The following CADPS2 variants were observed in gnomAD, a reference collection of about 807,000 sequenced individuals.
CADPS2 encodes calcium-dependent secretion activator 2.
In CADPS2, 93 loss-of-function variants were observed where a neutral mutation model predicts 172.5. That is an observed-to-expected ratio of 0.54 (90% CI 0.46 to 0.64). The LOEUF (loss-of-function observed/expected upper bound fraction) is 0.64, where lower values mean the gene tolerates loss of function less well. Ranked by LOEUF, CADPS2 falls within the 30% of genes least tolerant of loss-of-function variation. CADPS2 has a pLI of 0.00. For missense variants in CADPS2, 1,420 were observed against 1,565.9 expected, an observed-to-expected ratio of 0.91 and a Z score of 1.57; for synonymous variants, 546 against 555.2, an observed-to-expected ratio of 0.98 and a Z score of 0.23.
intron 1 of CADPS2, among the ~76,000 whole-genome samples, chr7:122,819,439 G>C (rs143005851): frequency 6.6e-6 from 1 of 152,054 alleles, no homozygotes; most frequent in African/African-American, 2.4e-5. Context: ...CATCACGGAC[G>C]CCAAGCTTCG....
At chr7:122,454,149 T>C (rs2053474585) in intron 14 of CADPS2, among the ~76,000 whole-genome samples, 1 of 152,206 alleles carries the variant, frequency 6.6e-6, no homozygotes, top group Admixed American at 6.5e-5. Flanking sequence ...ATACTTTCCG[T>C]GTCATCAACA....
In CADPS2 at chr7:122,407,565, C is replaced by A. The variant is rs1236073894; in HGVS notation, c.2721G>T (p.Leu907=). 4 of 1,611,796 alleles carry A rather than the reference C, an allele frequency of 2.5e-6. No homozygotes were observed. The highest frequency in any genetic ancestry group is 3.3e-5 in the Admixed American group (2 of 59,746). ...DSWDSFPLFQ[L]LNNFLRNDTL... ...TGTCATTTCGGAGGAAATTATTAAG[C>A]AGTTGGAAAAGAGGAAAACTATCCC... The change falls in exon 20 of 30, where the codon CTG becomes CTT. Residue 907 remains leucine (L), a synonymous_variant. Transcript: ENST00000449022.
At chr7:122,655,709 A>G (rs79917810) in intron 3 of CADPS2, among the ~76,000 whole-genome samples, 4 of 151,398 alleles carry the variant, frequency 2.6e-5, no homozygotes, top group African/African-American at 7.3e-5. Context: ...AGCATTCAGG[A>G]AAAAAAAAGT....
chr7:122,860,548 T>A (rs1563194356), intron 1 of CADPS2, among the ~76,000 whole-genome samples: 1 of 152,062 alleles, frequency 6.6e-6, no homozygotes, highest in South Asian at 2.1e-4. Flanking sequence ...ATATTTTTTT[T>A]AAAGATAAAG....
In CADPS2 at chr7:122,702,397, C is replaced by G; in HGVS notation, c.453+34558G>C. 2.5e-6 allele frequency: 4 copies of G among 1,613,780 alleles called. 1 individual carries two copies. In the South Asian group the frequency reaches 4.4e-5, roughly 18 times the overall value. The stretch of plus-strand genomic sequence containing the variant: ...CCCCATTTGCTCCCTTCTCTGCTGC[C>G]ACGTTGATTTTATGTGTAAAAGTAC... On this transcript the variant is annotated intron_variant, in intron 2 of 29. Coordinates refer to ENST00000449022, the MANE Select transcript of CADPS2 (RefSeq NM_017954.11).
At chr7:122,501,376 C>T (rs1265961326) in intron 9 of CADPS2, among the ~76,000 whole-genome samples, 1 of 152,088 alleles carries the variant, frequency 6.6e-6, no homozygotes, top group African/African-American at 2.4e-5. Flanking sequence ...ATTCAAAACT[C>T]ACTAAATCAT....
chr7:122,623,770 T>C (rs2075821894), intron 4 of CADPS2, among the ~76,000 whole-genome samples: 1 of 152,192 alleles, frequency 6.6e-6, no homozygotes, highest in Non-Finnish European at 1.5e-5. Flanking sequence ...TTTATATTTA[T>C]ATGAAAATCA....
intron 1 of CADPS2, among the ~76,000 whole-genome samples, chr7:122,822,974 G>A (rs1438446050): frequency 2.0e-5 from 3 of 152,120 alleles, no homozygotes; most frequent in African/African-American, 7.2e-5. Flanking sequence ...CCTGTTTGGT[G>A]GTCTCTTCAC....
chr7:122,480,520 G>A (rs2057161751), intron 12 of CADPS2, among the ~76,000 whole-genome samples: 1 of 151,818 alleles, frequency 6.6e-6, no homozygotes, highest in African/African-American at 2.4e-5. Flanking sequence ...TCATCAATTG[G>A]GTGTTTTTTT....
intron 20 of CADPS2, among the ~76,000 whole-genome samples, chr7:122,400,200 C>G (rs1400892063): frequency 1.3e-5 from 2 of 151,834 alleles, no homozygotes; most frequent in Non-Finnish European, 2.9e-5. Flanking sequence ...CTTTGGGAGG[C>G]CGAGGCGGGT....
chr7:122,868,734 T>C (rs769314737), intron 1 of CADPS2, among the ~76,000 whole-genome samples: 1 of 152,206 alleles, frequency 6.6e-6, no homozygotes, highest in Non-Finnish European at 1.5e-5. Flanking sequence ...AAGCTTATGC[T>C]AATGAATGGA....
At chr7:122,434,394 C>T (rs113279345) in intron 17 of CADPS2, among the ~76,000 whole-genome samples, 275 of 151,854 alleles carry the variant, frequency 1.8e-3, no homozygotes, top group African/African-American at 6.3e-3. Flanking sequence ...TTAAAAACAA[C>T]CCAAGCAAAC....
At chr7:122,344,105 C>A (rs182017705) in intron 28 of CADPS2, among the ~76,000 whole-genome samples, 2 of 152,142 alleles carry the variant, frequency 1.3e-5, no homozygotes, top group Admixed American at 6.6e-5. Flanking sequence ...AACACTGACA[C>A]GAGAGACCAC....
chr7:122,725,362 T>C (rs188025290), intron 2 of CADPS2, among the ~76,000 whole-genome samples: 5 of 152,072 alleles, frequency 3.3e-5, no homozygotes, highest in Non-Finnish European at 1.5e-5. Context: ...TAGGTATATA[T>C]GCATATGCGT....
chr7:122,821,583 C>A (rs1803311367), intron 1 of CADPS2, among the ~76,000 whole-genome samples: 1 of 152,124 alleles, frequency 6.6e-6, no homozygotes, highest in Non-Finnish European at 1.5e-5. Context: ...GAGATGGCCA[C>A]CGCAGTCATT....
intron 25 of CADPS2, chr7:122,369,526 T>A (rs1021061006): frequency 6.6e-6 from 1 of 152,174 alleles, no homozygotes; most frequent in Non-Finnish European, 1.5e-5. Context: ...ACAGTCCTTT[T>A]TTCAATTGTT....
intron 1 of CADPS2, among the ~76,000 whole-genome samples, chr7:122,809,368 G>A (rs1173924185): frequency 1.4e-5 from 2 of 147,102 alleles, no homozygotes; most frequent in African/African-American, 5.1e-5. Flanking sequence ...AAGAGTTCAA[G>A]ACCAGCCTGG....
rs924754966 is a variant in CADPS2 at position 122,724,881 on chromosome 7, G to T, written c.453+12074C>A. On this transcript the variant is annotated intron_variant, in intron 2 of 29. Coordinates refer to ENST00000449022, the MANE Select transcript of CADPS2 (RefSeq NM_017954.11). The stretch of plus-strand genomic sequence containing the variant: ...TCTAGTGATTGTGATCTCTTCTCAG[G>T]ATTATGCTTTTAAATGCATAAAAAT... 3.3e-5 allele frequency among the ~76,000 whole-genome samples: 5 copies of T among 151,918 alleles called. No homozygotes were observed. In the East Asian group the frequency reaches 7.7e-4, roughly 24 times the overall value.
chr7:122,603,127 T>G (rs2073027617), intron 6 of CADPS2, among the ~76,000 whole-genome samples: 1 of 152,076 alleles, frequency 6.6e-6, no homozygotes, highest in Non-Finnish European at 1.5e-5. Flanking sequence ...AACTAACAAG[T>G]CTTTTCCCTT....
Sources: allele counts gnomAD v4.1 joint callset (sites outside exome capture counted in the v4.1 genomes callset), GRCh38; gene constraint gnomAD v4.1.1; transcripts MANE v1.5; gene names NCBI Gene and HGNC (gene_info 2026-07-23, HGNC 2026-07-21).